SEPTIN11: variants seen among roughly 807,000 people sequenced by gnomAD.
The protein encoded by SEPTIN11 is septin-11.
Under a neutral mutation model 51.4 loss-of-function variants are expected in SEPTIN11, and 25 were observed. That is an observed-to-expected ratio of 0.49 (90% CI 0.35 to 0.68). The LOEUF (loss-of-function observed/expected upper bound fraction) is 0.68, where lower values mean the gene tolerates loss of function less well. Ranked by LOEUF, SEPTIN11 falls within the 30% of genes least tolerant of loss-of-function variation. The pLI is 0.00. For missense variants in SEPTIN11, 381 were observed against 520.8 expected, an observed-to-expected ratio of 0.73 and a Z score of 2.61; for synonymous variants, 174 against 184.1, an observed-to-expected ratio of 0.95 and a Z score of 0.44.
intron 1 of SEPTIN11, among the ~76,000 whole-genome samples, chr4:76,968,974 T>C (rs1177269013): frequency 3.9e-5 from 6 of 152,218 alleles, no homozygotes; most frequent in Non-Finnish European, 8.8e-5. Context: ...AGAGCATTTT[T>C]ATTGAGAAAT....
chr4:76,953,096 TGGA>T (rs1216875624), intron 1 of SEPTIN11, among the ~76,000 whole-genome samples: 1 of 152,258 alleles, frequency 6.6e-6, no homozygotes, highest in African/African-American at 2.4e-5. Flanking sequence ...TCACTGGTGG[TGGA>T]GATTTCCCTA....
At chr4:77,020,433 G>A (rs1725620422) in intron 6 of SEPTIN11, 69 bp from the exon 7 acceptor site, 4 of 1,536,458 alleles carry the variant, frequency 2.6e-6, no homozygotes, top group Non-Finnish European at 3.6e-6. Flanking sequence ...CATCTTGGAA[G>A]CATCACTGCA....
chr4:76,951,550 C>G (rs1297504541), intron 1 of SEPTIN11, among the ~76,000 whole-genome samples: 1 of 152,154 alleles, frequency 6.6e-6, no homozygotes, highest in Admixed American at 6.5e-5. Flanking sequence ...CCCCTGCCCC[C>G]CATTATACTT....
chr4:76,993,794 C>A (rs1012291501), intron 1 of SEPTIN11, among the ~76,000 whole-genome samples: 4 of 152,130 alleles, frequency 2.6e-5, no homozygotes, highest in Non-Finnish European at 5.9e-5. Context: ...TCTAAAGATA[C>A]AACTTTAAAT....
intron 1 of SEPTIN11, among the ~76,000 whole-genome samples, chr4:76,991,358 C>T (rs1351781944): frequency 1.3e-5 from 2 of 152,226 alleles, no homozygotes; most frequent in East Asian, 3.8e-4. Context: ...AAACCCATGT[C>T]TGTCTGACTC....
At chr4:77,039,648 TAAAA>T (rs34178169), downstream of SEPTIN11, 16 of 853,988 alleles carry the variant, frequency 1.9e-5, no homozygotes, top group Admixed American at 6.3e-5. Flanking sequence ...TTGGGGTTTT[TAAAA>T]AAAAAAAATC....
intron 9 of SEPTIN11, 105 bp from the exon 10 acceptor site, chr4:77,034,392 A>T: frequency 2.0e-6 from 2 of 995,822 alleles, no homozygotes. Context: ...TAATCATTGC[A>T]TGAGCATTCA....
downstream of SEPTIN11, chr4:77,039,453 C>A: frequency 3.0e-6 from 3 of 1,012,620 alleles, no homozygotes; most frequent in Non-Finnish European, 3.5e-6. Flanking sequence ...CTGAAGACAG[C>A]GTGTACCCTA....
chr4:76,961,261 C>G (rs1721814834), intron 1 of SEPTIN11, among the ~76,000 whole-genome samples: 1 of 152,022 alleles, frequency 6.6e-6, no homozygotes, highest in African/African-American at 2.4e-5. Flanking sequence ...AGCTTTTTTT[C>G]TTCCCAGGCT....
chr4:77,018,932 AC>A (rs951133393), intron 5 of SEPTIN11, among the ~76,000 whole-genome samples: 1 of 152,220 alleles, frequency 6.6e-6, no homozygotes, highest in African/African-American at 2.4e-5. Flanking sequence ...TCTTAAGCTT[AC>A]TTTATAGTTG....
At chr4:76,974,682 G>A (rs1011155259) in intron 1 of SEPTIN11, 10 of 445,254 alleles carry the variant, frequency 2.2e-5, no homozygotes, top group East Asian at 7.0e-5. Context: ...TCTAGTCACC[G>A]ATCTTGTGTT....
intron 2 of SEPTIN11, 124 bp downstream of exon 2, chr4:76,996,663 C>A: frequency 1.4e-6 from 1 of 710,862 alleles, no homozygotes; most frequent in Non-Finnish European, 2.4e-6. Flanking sequence ...ATCAGTAAAA[C>A]AAGGCAAAAT....
chr4:77,034,645 A>G lies in SEPTIN11; in HGVS notation c.*133A>G. The stretch of plus-strand genomic sequence containing the variant: ...CCTTCCTCAAACACCAGTAACTATT[A>G]TTAACTCGTTTTGCTGAATGTTGTT... On this transcript the variant is annotated 3_prime_UTR_variant, in exon 10 of 10. Transcript: ENST00000264893. 7.4e-7 allele frequency: 1 copy of G among 1,344,172 alleles called. No homozygotes were observed. The allele number at this position is 1,344,172 out of a possible 1,614,324, so 83.3% of individuals were successfully genotyped here. A position where few individuals can be genotyped will look rare whatever the true frequency, so the allele number is the denominator to read the frequency against.
downstream of SEPTIN11, chr4:77,039,661 T>A (rs1324710528): frequency 2.1e-6 from 2 of 950,462 alleles, no homozygotes; most frequent in Middle Eastern, 5.4e-4. Context: ...AAAAAAAAAA[T>A]CATTTGATAT....
intron 1 of SEPTIN11, chr4:76,958,999 A>G (rs1338216899): frequency 2.5e-6 from 2 of 790,940 alleles, no homozygotes; most frequent in East Asian, 2.6e-5. Flanking sequence ...AGTCATCCAC[A>G]TCTACTTCAA....
chr4:77,038,678 T>G (rs1727196779), downstream of SEPTIN11: 12 of 1,020,512 alleles, frequency 1.2e-5, no homozygotes, highest in Non-Finnish European at 1.4e-5. Flanking sequence ...GTACACGTGC[T>G]TACTGGATAA....
chr4:76,984,537 A>C lies in SEPTIN11; in HGVS notation c.28-11888A>C, dbSNP rs1451598159. 6.6e-6 allele frequency among the ~76,000 whole-genome samples: 1 copy of C among 152,256 alleles called. No homozygotes were observed. Among genetic ancestry groups the C allele is most frequent in the Non-Finnish European group, 1.5e-5 (1 of 68,038 alleles). ...GAATGCATTCAGTGAATAGAAATAG[A>C]TGAACTGAGCCACAATATTTCTCAA... On this transcript the variant is annotated intron_variant, in intron 1 of 9. Transcript: ENST00000264893. The surrounding 1 kb of genome is among the most constrained non-coding windows in gnomAD (Gnocchi z 4.1).
In SEPTIN11 at chr4:77,024,309, T is replaced by C. The variant is rs1288490705; in HGVS notation, c.953+3639T>C. On this transcript the variant is annotated intron_variant, in intron 7 of 9. Coordinates refer to ENST00000264893, the MANE Select transcript of SEPTIN11 (RefSeq NM_018243.4). This position sits in a 1 kb window ranked among gnomAD's most constrained non-coding sequence, Gnocchi z 4.2. Reference sequence around the variant, plus strand: ...ATATGTATATAACCAGACATTCATCTGCTCTTTCCCAAGCCCATCTTTATC... The same window carrying C: ...ATATGTATATAACCAGACATTCATCCGCTCTTTCCCAAGCCCATCTTTATC... 6.6e-6 allele frequency among the ~76,000 whole-genome samples: 1 copy of C among 152,138 alleles called. No individual in the cohort carries two copies. Among genetic ancestry groups the C allele is most frequent in the Admixed American group, 6.5e-5 (1 of 15,278 alleles).
chr4:77,001,178 G>A (rs1724096822), intron 2 of SEPTIN11, among the ~76,000 whole-genome samples: 1 of 152,104 alleles, frequency 6.6e-6, no homozygotes, highest in East Asian at 1.9e-4. Context: ...GGCAGGAATA[G>A]GAAAAACAGA....
Sources: gnomAD v4.1 joint callset for allele counts (sites outside exome capture counted in the v4.1 genomes callset) on GRCh38, gnomAD v4.1.1 for gene constraint, Gnocchi (gnomAD v3.1) non-coding constraint, MANE v1.5 for transcripts, NCBI Gene and HGNC (gene_info 2026-07-23, HGNC 2026-07-21) for gene names.